Variants in ESR1 observed in about 807,000 individuals in gnomAD.
The protein encoded by ESR1 is estrogen receptor 1.
Under a neutral mutation model 52.7 loss-of-function variants are expected in ESR1, and 12 were observed. That is an observed-to-expected ratio of 0.23 (90% CI 0.15 to 0.37). The LOEUF (loss-of-function observed/expected upper bound fraction) is 0.37. Among genes scored for constraint, ESR1 ranks in the 10% least tolerant of loss-of-function variants. The pLI is 1.00. For missense variants in ESR1, 584 were observed against 779.7 expected (o/e 0.75, Z 2.99); for synonymous variants, 305 against 316.8 (o/e 0.96, Z 0.39).
intron 2 of ESR1, among the ~76,000 whole-genome samples, chr6:151,795,307 C>T (rs968210971): frequency 3.3e-5 from 5 of 151,168 alleles, no homozygotes; most frequent in East Asian, 2.0e-4. Flanking sequence ...GGCAACATGG[C>T]GAAACCCCGC....
chr6:151,999,903 A>G (rs2041816265), intron 4 of ESR1, among the ~76,000 whole-genome samples: 1 of 152,102 alleles, frequency 6.6e-6, no homozygotes, highest in Admixed American at 6.6e-5. Context: ...TCTGTAGACT[A>G]TACCAGATTT....
At chr6:151,945,829 T>C (rs369199988) in intron 4 of ESR1, among the ~76,000 whole-genome samples, 1 of 152,214 alleles carries the variant, frequency 6.6e-6, no homozygotes, top group East Asian at 1.9e-4. Flanking sequence ...TGTATTTGCA[T>C]CTATCAGTAT....
At chr6:151,992,568 G>A (rs1025630570) in intron 4 of ESR1, among the ~76,000 whole-genome samples, 6 of 152,148 alleles carry the variant, frequency 3.9e-5, no homozygotes, top group African/African-American at 1.4e-4. Context: ...AAAGAAATAG[G>A]ATGTCATATT....
intron 4 of ESR1, among the ~76,000 whole-genome samples, chr6:151,945,055 C>T (rs1240857615): frequency 6.6e-6 from 1 of 152,004 alleles, no homozygotes; most frequent in East Asian, 1.9e-4. Flanking sequence ...GTCTCTACAA[C>T]AAATTTTTAA....
Position 152,062,969 on chromosome 6 carries a change from A to G in ESR1, c.1369+1845A>G, listed in dbSNP as rs1049218689. On this transcript the variant is annotated intron_variant, in intron 6 of 7. Coordinates refer to ENST00000206249, the MANE Select transcript of ESR1 (RefSeq NM_000125.4). ...TTTTTAAAACTATTATGCAAGAAAT[A>G]TCAGGATTTTTGCCACCAAAAAGTT... Among the ~76,000 whole-genome samples the G allele has an allele frequency of 5.9e-5, 9 of 152,302 alleles. No individual in the cohort carries two copies. In the South Asian group the frequency reaches 8.3e-4, roughly 14 times the overall value.
intron 4 of ESR1, among the ~76,000 whole-genome samples, chr6:152,008,257 G>C: frequency 6.6e-6 from 1 of 152,056 alleles, no homozygotes; most frequent in Non-Finnish European, 1.5e-5. Context: ...CCTGACCCAG[G>C]AACTTGCAGA....
rs905818002 is a variant in ESR1 at position 152,101,730 on chromosome 6, G to A, written c.*2764G>A. On this transcript the variant is annotated 3_prime_UTR_variant, in exon 8 of 8. Transcript: ENST00000206249. ...AGATGTGATTTATCTGGGGGGCTCAGGTATGGTGGGGAAGTGGATTCAGGA... is the reference window on the plus strand; with the variant it reads ...AGATGTGATTTATCTGGGGGGCTCAAGTATGGTGGGGAAGTGGATTCAGGA... 1 of 230,624 alleles carries A rather than the reference G, an allele frequency of 4.3e-6. No individual in the cohort carries two copies. Among genetic ancestry groups the A allele is most frequent in the African/African-American group, 2.2e-5 (1 of 45,212 alleles). 14.3% of individuals were successfully genotyped at this position (230,624 alleles called of 1,614,324 possible). A position where few individuals can be genotyped will look rare whatever the true frequency, so the allele number is the denominator to read the frequency against.
At chr6:151,953,318 G>A (rs945834050) in intron 4 of ESR1, among the ~76,000 whole-genome samples, 1 of 152,164 alleles carries the variant, frequency 6.6e-6, no homozygotes, top group Non-Finnish European at 1.5e-5. Flanking sequence ...AGGTTACATC[G>A]TAGTGATGAA....
At chr6:151,723,409 A>G (rs1364420304) in intron 2 of ESR1, among the ~76,000 whole-genome samples, 1 of 152,208 alleles carries the variant, frequency 6.6e-6, no homozygotes, top group Non-Finnish European at 1.5e-5. Flanking sequence ...TTGAGGCAGA[A>G]GGGGTTAGGG....
chr6:151,818,271 A>G (rs1779991609), intron 1 of ESR1, among the ~76,000 whole-genome samples: 2 of 152,176 alleles, frequency 1.3e-5, no homozygotes, highest in Admixed American at 6.5e-5. Context: ...TCTCAGAGAT[A>G]TGTATAAATG....
rs1236642691 is a variant in ESR1 at position 151,846,820 on chromosome 6, A to G, written c.643+4033A>G. ...GTTTATTAATCATTGCAGGCATAGA[A>G]GTAGTGTTCCTTAAGATGTGTTTTA... On this transcript the variant is annotated intron_variant, in intron 2 of 7. Transcript: ENST00000206249. 3.9e-4 allele frequency among the ~76,000 whole-genome samples: 59 copies of G among 152,180 alleles called. 1 individual carries two copies. Among genetic ancestry groups the G allele is most frequent in the Admixed American group, 3.9e-3 (59 of 15,268 alleles).
chr6:151,737,310 G>T lies in ESR1; in HGVS notation c.-71+35305G>T, dbSNP rs560951958. On this transcript the variant is annotated intron_variant, in intron 2 of 2. Transcript: ENST00000404742. ...AATCACCGGCTGAGGCAAGGGAGATGCACATTTGAAGCCTCTTTATTCATC... is the reference window on the plus strand; with the variant it reads ...AATCACCGGCTGAGGCAAGGGAGATTCACATTTGAAGCCTCTTTATTCATC... 1.3e-3 allele frequency among the ~76,000 whole-genome samples: 192 copies of T among 152,252 alleles called. 2 individuals carry two copies. Among genetic ancestry groups the T allele is most frequent in the Non-Finnish European group, 2.3e-3 (158 of 68,004 alleles).
At chr6:151,755,220 A>G (rs2128085562) in intron 2 of ESR1, among the ~76,000 whole-genome samples, 1 of 150,834 alleles carries the variant, frequency 6.6e-6, no homozygotes, top group South Asian at 2.1e-4. Context: ...AAAAAAAAAA[A>G]ACAAAAACCA....
chr6:152,120,484 G>C (rs1428858194), intron 6 of ESR1, among the ~76,000 whole-genome samples: 2 of 152,156 alleles, frequency 1.3e-5, no homozygotes, highest in Non-Finnish European at 2.9e-5. Context: ...AACACGATGG[G>C]TTCATGGGCC....
Position 151,750,914 on chromosome 6 carries a change from C to G in ESR1, c.-71+48909C>G, listed in dbSNP as rs1783854806. On this transcript the variant is annotated intron_variant, in intron 2 of 2. Transcript: ENST00000404742. The stretch of plus-strand genomic sequence containing the variant: ...AGGCCAAGGATTATTTGAGGAGAAC[C>G]TGGAAAATTAACTCAAATGGAGGAA... Among the ~76,000 whole-genome samples, 4 of 152,108 alleles carry G rather than the reference C, an allele frequency of 2.6e-5. No homozygotes were observed. The South Asian group carries it at 8.3e-4, about 31-fold the overall frequency.
intron 3 of ESR1, among the ~76,000 whole-genome samples, chr6:151,929,101 A>C (rs542218821): frequency 3.3e-5 from 5 of 152,158 alleles, no homozygotes; most frequent in Non-Finnish European, 7.4e-5. Context: ...TAGGTCAACT[A>C]TATCTGTATT....
At chr6:151,739,499 G>T (rs1186098446) in intron 2 of ESR1, among the ~76,000 whole-genome samples, 2 of 152,102 alleles carry the variant, frequency 1.3e-5, no homozygotes, top group African/African-American at 2.4e-5. Flanking sequence ...TTCTGATTGT[G>T]TATTGTCAAA....
chr6:151,854,598 T>C (rs950528391), intron 2 of ESR1, among the ~76,000 whole-genome samples: 11 of 152,218 alleles, frequency 7.2e-5, no homozygotes, highest in African/African-American at 2.7e-4. Context: ...CAAATAAGCA[T>C]CATCTTTCTC....
chr6:151,929,705 C>A (rs1041445089), intron 3 of ESR1, among the ~76,000 whole-genome samples: 74 of 130,668 alleles, frequency 5.7e-4, no homozygotes, highest in African/African-American at 1.8e-3. Context: ...GGGGCTGAGG[C>A]AGGAGAATCA....
Sources: allele counts gnomAD v4.1 joint callset (sites outside exome capture counted in the v4.1 genomes callset), GRCh38; gene constraint gnomAD v4.1.1; transcripts MANE v1.5; gene names NCBI Gene and HGNC (gene_info 2026-07-23, HGNC 2026-07-21).